The following RIC1 variants were observed in gnomAD, a reference collection of about 807,000 sequenced individuals.
RIC1 encodes the protein guanine nucleotide exchange factor subunit RIC1.
In RIC1, 88 loss-of-function variants were observed where a neutral mutation model predicts 169.0. The observed-to-expected ratio is 0.52, with a 90% CI of 0.44 to 0.62. The LOEUF (loss-of-function observed/expected upper bound fraction) is 0.62. Among genes scored for constraint, RIC1 ranks in the 20% least tolerant of loss-of-function variants. RIC1 has a pLI of 0.00. For synonymous variants in RIC1, 790 were observed against 601.5 expected, an observed-to-expected ratio of 1.31 and a Z score of -4.59; for missense variants, 1,877 against 1,725.5, an observed-to-expected ratio of 1.09 and a Z score of -1.56.
chr9:5,722,433 G>C (rs1191757421), intron 6 of RIC1, among the ~76,000 whole-genome samples: 1 of 150,718 alleles, frequency 6.6e-6, no homozygotes, highest in African/African-American at 2.4e-5. Context: ...ACGTCCACAT[G>C]CATGTTCATA....
intron 2 of RIC1, among the ~76,000 whole-genome samples, chr9:5,681,320 C>T (rs956616557): frequency 6.6e-5 from 10 of 152,044 alleles, no homozygotes; most frequent in East Asian, 1.9e-4. Flanking sequence ...ATTCCCTCTA[C>T]GCACTGCTTT....
At chr9:5,761,804 G>C (rs1396557815) in intron 17 of RIC1, among the ~76,000 whole-genome samples, 1 of 152,178 alleles carries the variant, frequency 6.6e-6, no homozygotes, top group South Asian at 2.1e-4. Flanking sequence ...AATGGTTTAA[G>C]TTGCGTGATA....
intron 2 of RIC1, 114 bp from the exon 3 acceptor site, chr9:5,689,845 G>A: frequency 1.6e-6 from 1 of 633,382 alleles, no homozygotes; most frequent in South Asian, 2.1e-5. Flanking sequence ...ATTCTCCAAG[G>A]GAGGGTATTG....
intron 12 of RIC1, among the ~76,000 whole-genome samples, chr9:5,750,130 A>G (rs1019097595): frequency 1.3e-5 from 2 of 151,804 alleles, no homozygotes; most frequent in Non-Finnish European, 1.5e-5. Flanking sequence ...GTTTTTTCTT[A>G]CCTATAAGTT....
At chr9:5,765,285 T>A (rs1377175700) in intron 19 of RIC1, 129 bp from the exon 20 acceptor site, 1 of 935,892 alleles carries the variant, frequency 1.1e-6, no homozygotes, top group East Asian at 2.6e-5. Context: ...CTTTTTAATC[T>A]TATTATTAAA....
intron 17 of RIC1, among the ~76,000 whole-genome samples, 189 bp from the exon 18 acceptor site, chr9:5,762,352 T>C (rs1489264098): frequency 6.6e-6 from 1 of 152,214 alleles, no homozygotes; most frequent in Admixed American, 6.5e-5. Context: ...GCATTATGTG[T>C]TAGGCTTTGT....
At chr9:5,665,168 C>T (rs1160264902) in intron 2 of RIC1, among the ~76,000 whole-genome samples, 1 of 151,912 alleles carries the variant, frequency 6.6e-6, no homozygotes, top group East Asian at 1.9e-4. Flanking sequence ...TTATGTAATG[C>T]CCTTTGTCTT....
At position 5,759,882 on chromosome 9, in the gene RIC1, AATC is replaced by A. The variant is rs532521912; in HGVS notation, c.1992+2434_1992+2436del. ...TCATTATACTATTCTCCATACTTTT[AATC>A]ATGTTTAAAGTTTTCATATTTAAAA... On this transcript the variant is annotated intron_variant, in intron 17 of 25. Transcript: ENST00000414202. Among the ~76,000 whole-genome samples, 950 of 152,274 alleles carry A rather than the reference AATC, an allele frequency of 6.2e-3. 5 individuals carry two copies. The highest frequency in any genetic ancestry group is 0.01 in the Non-Finnish European group (695 of 68,004).
rs1344976959 is a variant in RIC1 at position 5,713,073 on chromosome 9, T to TTTG, written c.333-821_333-819dup. Reference sequence around the variant, plus strand: ...GAAAGCTATTGGACTTGTTTGCCTCTTTGTGCATATTTTAATAGTATCGAC... The same window carrying TTTG: ...GAAAGCTATTGGACTTGTTTGCCTCTTTGTTGTGCATATTTTAATAGTATCGAC... On this transcript the variant is annotated intron_variant, in intron 3 of 25. Transcript: ENST00000414202. 3.9e-5 allele frequency: 6 copies of TTTG among 152,322 alleles called. No homozygotes were observed. The East Asian group carries it at 1.2e-3, about 29-fold the overall frequency. 9.4% of individuals were successfully genotyped at this position (152,322 alleles called of 1,614,324 possible).
At position 5,748,024 on chromosome 9, in the gene RIC1, C is replaced by G. The variant is rs189091982; in HGVS notation, c.1452+519C>G. Among the ~76,000 whole-genome samples the G allele has an allele frequency of 6.1e-3, 928 of 152,246 alleles. 8 individuals carry two copies. Among genetic ancestry groups the G allele is most frequent in the Non-Finnish European group, 9.5e-3 (643 of 68,014 alleles). On this transcript the variant is annotated intron_variant, in intron 12 of 25. Coordinates refer to ENST00000414202, the MANE Select transcript of RIC1 (RefSeq NM_020829.4). ...CTAATCTTATTCCAAATTATTTATT[C>G]ATTCTGATATCACTTTTAAATTAAC...
chr9:5,660,290 A>G (rs941359954), intron 2 of RIC1, among the ~76,000 whole-genome samples: 2 of 152,116 alleles, frequency 1.3e-5, no homozygotes, highest in South Asian at 2.1e-4. Flanking sequence ...TGTCTTTGCT[A>G]TTGTGAATAG....
chr9:5,740,808 C>T (rs558197492), intron 8 of RIC1, among the ~76,000 whole-genome samples: 1 of 152,166 alleles, frequency 6.6e-6, no homozygotes, highest in Non-Finnish European at 1.5e-5. Flanking sequence ...CAGACACACC[C>T]GGGATTAATA....
chr9:5,711,308 A>G (rs915532040), intron 3 of RIC1, among the ~76,000 whole-genome samples: 2 of 152,122 alleles, frequency 1.3e-5, no homozygotes, highest in East Asian at 1.9e-4. Context: ...CCATGCATGC[A>G]TACTTTTTAA....
intron 12 of RIC1, among the ~76,000 whole-genome samples, chr9:5,747,948 A>G (rs1825483661): frequency 6.6e-6 from 1 of 152,192 alleles, no homozygotes; most frequent in Admixed American, 6.5e-5. Context: ...TTTGGACCCA[A>G]ATTGCAGACT....
intron 2 of RIC1, among the ~76,000 whole-genome samples, chr9:5,669,894 G>T (rs372683258): frequency 6.6e-6 from 1 of 152,180 alleles, no homozygotes; most frequent in Non-Finnish European, 1.5e-5. Flanking sequence ...CATCACTTAG[G>T]GGAGATTGGA....
intron 3 of RIC1, 114 bp downstream of exon 3, chr9:5,690,152 C>A: frequency 1.7e-6 from 1 of 575,620 alleles, no homozygotes; most frequent in South Asian, 3.9e-5. Flanking sequence ...ACCAGCATTT[C>A]CCAAATAGTA....
chr9:5,725,363 C>A (rs1025258056), intron 6 of RIC1, among the ~76,000 whole-genome samples: 1 of 152,142 alleles, frequency 6.6e-6, no homozygotes, highest in Non-Finnish European at 1.5e-5. Flanking sequence ...TTATAGTATT[C>A]TCTGATGGTA....
chr9:5,669,192 C>G (rs775910553), intron 2 of RIC1, among the ~76,000 whole-genome samples: 2 of 152,152 alleles, frequency 1.3e-5, no homozygotes, highest in Non-Finnish European at 2.9e-5. Flanking sequence ...ATTTCCTTAT[C>G]CTACTCCCAA....
intron 2 of RIC1, among the ~76,000 whole-genome samples, chr9:5,689,252 C>T (rs1345661950): frequency 2.6e-5 from 4 of 151,768 alleles, no homozygotes; most frequent in Admixed American, 1.3e-4. Context: ...AGGGTTTCAC[C>T]ACGTTAGCCA....
Sources: allele counts gnomAD v4.1 joint callset (sites outside exome capture counted in the v4.1 genomes callset), GRCh38; gene constraint gnomAD v4.1.1; transcripts MANE v1.5; gene names NCBI Gene and HGNC (gene_info 2026-07-23, HGNC 2026-07-21).